TOP3B: variants seen among roughly 807,000 people sequenced by gnomAD.
TOP3B encodes DNA topoisomerase III beta.
TOP3B carries 45 observed loss-of-function variants against 93.9 expected under a neutral mutation model. The observed-to-expected ratio is 0.48, with a 90% CI of 0.38 to 0.61. TOP3B has a LOEUF of 0.61. Ranked by LOEUF, TOP3B falls within the 20% of genes least tolerant of loss-of-function variation. TOP3B has a pLI of 0.00. For missense variants in TOP3B, 750 were observed against 1,156.1 expected, an observed-to-expected ratio of 0.65 and a Z score of 5.09; for synonymous variants, 357 against 472.6, an observed-to-expected ratio of 0.76 and a Z score of 3.17.
chr22:21,960,990 C>A, intron 13 of TOP3B: 1 of 155,972 alleles, frequency 6.4e-6, no homozygotes, highest in Admixed American at 6.2e-5. Flanking sequence ...CACTCTCCCA[C>A]CCAGAGGAAG....
At chr22:21,973,193 G>A in intron 3 of TOP3B, 1 of 184,246 alleles carries the variant, frequency 5.4e-6, no homozygotes, top group Non-Finnish European at 1.1e-5. Context: ...CCATCTTTTT[G>A]AGCCTCATGC....
At chr22:21,965,173 C>T in intron 9 of TOP3B, 112 bp downstream of exon 9, 1 of 633,070 alleles carries the variant, frequency 1.6e-6, no homozygotes, top group Non-Finnish European at 2.5e-6. Context: ...TCCTGAGGCT[C>T]AGATCCCCTT....
In TOP3B at chr22:21,963,911, T is replaced by C; in HGVS notation, c.1204+12A>G. The C allele has an allele frequency of 6.2e-7, 1 of 1,612,958 alleles. No homozygotes were observed. The highest frequency in any genetic ancestry group is 8.5e-7 in the Non-Finnish European group (1 of 1,179,626). On this transcript the variant is annotated intron_variant, in intron 11 of 17. Coordinates refer to ENST00000357179, the MANE Select transcript of TOP3B (RefSeq NM_001282112.2). The surrounding 1 kb of genome is among the most constrained non-coding windows in gnomAD (Gnocchi z 4.8). ...CCCTGGAAGCACACCGGGTATGGGATGAGAGCGGTACCTAATTCGGCCTCT... is the reference window on the plus strand; with the variant it reads ...CCCTGGAAGCACACCGGGTATGGGACGAGAGCGGTACCTAATTCGGCCTCT...
Position 21,971,934 on chromosome 22 carries a change from G to A in TOP3B, c.327C>T (p.Cys109=), listed in dbSNP as rs755342332. Residue 109 remains cysteine (C), a synonymous_variant, in exon 5 of 18, where the codon TGC becomes TGT. Transcript: ENST00000357179. This position sits in a 1 kb window ranked among gnomAD's most constrained non-coding sequence, Gnocchi z 4.6. ...VKFLQVEGRG[C]DYIVLWLDCD... ...AGTCCAGCCACAGCACGATGTAGTC[G>A]CAGCCTCTGCCCTCCACCTGCCACA... The A allele has an allele frequency of 2.5e-5, 41 of 1,613,068 alleles. No homozygotes were observed. The highest frequency in any genetic ancestry group is 1.7e-4 in the Middle Eastern group (1 of 6,060).
Position 21,971,158 on chromosome 22 carries a change from T to C in TOP3B, c.384+719A>G. On this transcript the variant is annotated intron_variant, in intron 5 of 17. Transcript: ENST00000357179. This position sits in a 1 kb window ranked among gnomAD's most constrained non-coding sequence, Gnocchi z 4.6. The stretch of plus-strand genomic sequence containing the variant: ...GCCCTGCAGGGGAGGAGAGGGTATC[T>C]GGGAAGAGACAGAGTGTGATCGCAT... The C allele has an allele frequency of 1.3e-6, 1 of 785,518 alleles. No individual in the cohort carries two copies. Among genetic ancestry groups the C allele is most frequent in the Non-Finnish European group, 1.9e-6 (1 of 539,266 alleles). 48.7% of individuals were successfully genotyped at this position (785,518 alleles called of 1,614,324 possible). A position where few individuals can be genotyped will look rare whatever the true frequency, so the allele number is the denominator to read the frequency against.
chr22:21,971,390 G>C lies in TOP3B; in HGVS notation c.384+487C>G, dbSNP rs948392122. The C allele has an allele frequency of 8.0e-5, 25 of 310,966 alleles. No homozygotes were observed. Among genetic ancestry groups the C allele is most frequent in the Admixed American group, 4.6e-4 (10 of 21,838 alleles). The allele number at this position is 310,966 out of a possible 1,614,324, so 19.3% of individuals were successfully genotyped here. A position where few individuals can be genotyped will look rare whatever the true frequency, so the allele number is the denominator to read the frequency against. On this transcript the variant is annotated intron_variant, in intron 5 of 17. Coordinates refer to ENST00000357179, the MANE Select transcript of TOP3B (RefSeq NM_001282112.2). The surrounding 1 kb of genome is among the most constrained non-coding windows in gnomAD (Gnocchi z 4.6). ...GCATGGGGCATGGGGTGTGCACAGG[G>C]AGCAGCTGCCACCTGCTTCTCTGCA...
In TOP3B at chr22:21,964,026, C is replaced by T. The variant is rs1254022009; in HGVS notation, c.1101G>A (p.Val367=). The change falls in exon 11 of 18, where the codon GTG becomes GTA. Residue 367 remains valine (V), a splice_region_variant and synonymous_variant. Coordinates refer to ENST00000357179, the MANE Select transcript of TOP3B (RefSeq NM_001282112.2). ...QANHPYWADT[V]KRLLAEGINR... is the part of the protein sequence containing the mutation. ...TGATACCTTCTGCTAACAACCGCTT[C>T]ACCTGAGGGAGAGAAGACAGAGCAG... 4.4e-6 allele frequency: 7 copies of T among 1,606,118 alleles called. No individual in the cohort carries two copies. The highest frequency in any genetic ancestry group is 1.7e-4 in the Middle Eastern group (1 of 6,020).
intron 14 of TOP3B, 95 bp downstream of exon 14, chr22:21,960,226 G>C (rs2071109429): frequency 1.3e-6 from 2 of 1,571,306 alleles, no homozygotes; most frequent in African/African-American, 2.7e-5. Flanking sequence ...GATCACTGTA[G>C]GGCAGGGGCC....
chr22:21,968,436 C>A, intron 7 of TOP3B, 183 bp downstream of exon 7: 1 of 663,842 alleles, frequency 1.5e-6, no homozygotes, highest in African/African-American at 1.8e-5. Flanking sequence ...GGCCCAGTCT[C>A]TTCCCACTGC....
intron 1 of TOP3B, among the ~76,000 whole-genome samples, chr22:21,978,245 G>A (rs1357631893): frequency 7.2e-5 from 11 of 152,028 alleles, no homozygotes; most frequent in Admixed American, 7.2e-4. Flanking sequence ...GACATGGGAG[G>A]GGGAGGGGAA....
intron 7 of TOP3B, 101 bp downstream of exon 7, chr22:21,968,518 G>A (rs2071502651): frequency 1.4e-6 from 2 of 1,474,088 alleles, no homozygotes; most frequent in Non-Finnish European, 1.9e-6. Flanking sequence ...CCACACTTCT[G>A]CCCTCAGCCC....
Position 21,962,571 on chromosome 22 carries a change from C to T in TOP3B, c.1383G>A (p.Val461=), listed in dbSNP as rs767429764. ...GFTEVMPWQS[V]PLEESLPTCQ... ...AAGTGGGCAGGCTCTCCTCCAGGGG[C>T]ACGCTCTGCCAGGGCATGACCTCCG... The change falls in exon 13 of 18, where the codon GTG becomes GTA. Residue 461 remains valine, a synonymous_variant. Transcript: ENST00000357179. 6 of 1,613,502 alleles carry T rather than the reference C, an allele frequency of 3.7e-6. No individual in the cohort carries two copies. The Admixed American group carries it at 1.0e-4, about 27-fold the overall frequency.
intron 13 of TOP3B, chr22:21,962,169 G>A (rs2071212164): frequency 7.1e-7 from 1 of 1,410,446 alleles, no homozygotes; most frequent in African/African-American, 1.4e-5. Flanking sequence ...GCGTTAGTCG[G>A]TGTGTGCACA....
intron 14 of TOP3B, 89 bp downstream of exon 14, chr22:21,960,232 G>A (rs2145830385): frequency 1.3e-6 from 2 of 1,581,226 alleles, no homozygotes; most frequent in Non-Finnish European, 1.7e-6. Flanking sequence ...TGTAGGGCAG[G>A]GGCCTGTCTG....
intron 9 of TOP3B, chr22:21,964,542 C>A: frequency 3.4e-6 from 2 of 580,600 alleles, no homozygotes; most frequent in South Asian, 4.1e-5. Context: ...ATCCTACACC[C>A]AGGATGGGCC....
Position 21,968,780 on chromosome 22 carries a change from A to C in TOP3B, c.582-5T>G. The C allele has an allele frequency of 1.2e-6, 2 of 1,614,048 alleles. No homozygotes were observed. Among genetic ancestry groups the C allele is most frequent in the Non-Finnish European group, 1.7e-6 (2 of 1,179,944 alleles). Reference sequence around the variant, plus strand: ...TGGAAATATTTAGTCTGAAACCTGGAGGGAGTGGAAAGATATTTTGGTCAC... The same window carrying C: ...TGGAAATATTTAGTCTGAAACCTGGCGGGAGTGGAAAGATATTTTGGTCAC... On this transcript the variant is annotated splice_polypyrimidine_tract_variant and splice_region_variant and intron_variant, in intron 6 of 17. Coordinates refer to ENST00000357179, the MANE Select transcript of TOP3B (RefSeq NM_001282112.2).
At chr22:21,959,792 C>T (rs2071089011) in intron 14 of TOP3B, 56 bp from the exon 15 acceptor site, 1 of 1,578,386 alleles carries the variant, frequency 6.3e-7, no homozygotes, top group South Asian at 1.2e-5. Flanking sequence ...AGGGCCATGC[C>T]ACCCCTTCCC....
At chr22:21,957,962 A>C in intron 17 of TOP3B, 1 of 1,392,736 alleles carries the variant, frequency 7.2e-7, no homozygotes, top group Non-Finnish European at 9.5e-7. Flanking sequence ...GAGGGCAGGG[A>C]TGGGGTCTCA....
chr22:21,964,313 T>G lies in TOP3B; in HGVS notation c.946A>C (p.Met316Leu). The change falls in exon 10 of 18, where the codon ATG becomes CTG. Residue 316 changes from methionine to leucine, a missense_variant and splice_region_variant. Around this residue, in one of 4 missense-constraint regions of TOP3B, gnomAD observed 737 missense variants for 933.7 expected, o/e 0.79. Transcript: ENST00000357179. ...GTCTGCATGGCGTGCTGCGGCCCCA[T>G]GCCTGCGAGAGACAGGAGGTTCTCA... ...MLRVASSSLG[M>L]GPQHAMQTAE... 1 of 1,613,536 alleles carries G rather than the reference T, an allele frequency of 6.2e-7. No homozygotes were observed.
Sources: allele counts gnomAD v4.1 joint callset (sites outside exome capture counted in the v4.1 genomes callset), GRCh38; gene constraint gnomAD v4.1.1; regional missense constraint gnomAD v4.1.1; non-coding constraint Gnocchi (gnomAD v3.1); transcripts MANE v1.5; gene names NCBI Gene and HGNC (gene_info 2026-07-23, HGNC 2026-07-21).